Variants in CFAP92 observed in about 807,000 individuals in gnomAD.
The protein encoded by CFAP92 is cilia and flagella associated protein 92 (putative).
CFAP92 carries 86 observed loss-of-function variants against 106.3 expected under a neutral mutation model. The ratio of observed to expected loss-of-function variants is 0.81; its 90% CI spans 0.68 to 0.97. The LOEUF (loss-of-function observed/expected upper bound fraction) is 0.97, where lower values mean the gene tolerates loss of function less well. Ranked by LOEUF, CFAP92 falls within the 50% of genes least tolerant of loss-of-function variation. CFAP92 has a pLI of 0.00. For missense variants in CFAP92, 1,204 were observed against 1,283.8 expected (o/e 0.94, Z 0.95); for synonymous variants, 477 against 506.4 (o/e 0.94, Z 0.78).
intron 9 of CFAP92, among the ~76,000 whole-genome samples, chr3:128,962,767 A>G (rs1942043393): frequency 6.6e-6 from 1 of 152,192 alleles, no homozygotes; most frequent in Non-Finnish European, 1.5e-5. Context: ...TCTAAAACCT[A>G]TAAACTCTCC....
At chr3:129,017,685 C>T in the CFAP92 span, among the ~76,000 whole-genome samples, 3 of 152,258 alleles carry the variant, frequency 2.0e-5, no homozygotes, top group Non-Finnish European at 4.4e-5. Flanking sequence ...GCCTCTTCTA[C>T]ACCAGCCCAG....
At chr3:128,928,284 A>T (rs1475561673) in intron 12 of CFAP92, among the ~76,000 whole-genome samples, 1 of 152,196 alleles carries the variant, frequency 6.6e-6, no homozygotes, top group Non-Finnish European at 1.5e-5. Flanking sequence ...TCCCCATGAA[A>T]TTCCTATAGA....
At chr3:128,972,835 A>G (rs1317317444) in intron 7 of CFAP92, among the ~76,000 whole-genome samples, 2 of 151,674 alleles carry the variant, frequency 1.3e-5, no homozygotes, top group African/African-American at 2.4e-5. Context: ...AGCCTGGGCT[A>G]CAAGAGCGAA....
intron 9 of CFAP92, among the ~76,000 whole-genome samples, chr3:128,946,427 C>A (rs1458979219): frequency 6.6e-6 from 1 of 152,184 alleles, no homozygotes; most frequent in African/African-American, 2.4e-5. Context: ...TGAAAACTGA[C>A]ACTCTGGGCA....
At chr3:128,971,472 A>C in intron 7 of CFAP92, 39 bp from the exon 8 acceptor site, 1 of 1,490,388 alleles carries the variant, frequency 6.7e-7, no homozygotes, top group Non-Finnish European at 9.1e-7. Flanking sequence ...TTAAGAGGAG[A>C]CTGTATCTGA....
intron 9 of CFAP92, among the ~76,000 whole-genome samples, chr3:128,957,343 T>C (rs1046887415): frequency 3.3e-5 from 5 of 151,134 alleles, no homozygotes; most frequent in Non-Finnish European, 4.4e-5. Context: ...AGAGGAAATA[T>C]TTAGGGAAAC....
chr3:128,996,898 C>T (rs998409587), upstream of CFAP92, among the ~76,000 whole-genome samples: 2 of 152,360 alleles, frequency 1.3e-5, no homozygotes, highest in Non-Finnish European at 2.9e-5. Context: ...TGTGGTGCCT[C>T]ATCTCCTCAT....
At chr3:128,915,922 G>C (rs1005880697) in intron 13 of CFAP92, 185 bp downstream of exon 13, 31 of 440,456 alleles carry the variant, frequency 7.0e-5, no homozygotes, top group Non-Finnish European at 1.0e-4. Context: ...TTACCCTCAG[G>C]TGTGGAGGAT....
At chr3:128,972,860 A>G (rs1942901927) in intron 7 of CFAP92, among the ~76,000 whole-genome samples, 1 of 151,314 alleles carries the variant, frequency 6.6e-6, no homozygotes, top group African/African-American at 2.4e-5. Context: ...AGTCCTTGAA[A>G]AAAAAAAAAA....
At chr3:128,923,263 T>G (rs980775868) in intron 12 of CFAP92, among the ~76,000 whole-genome samples, 1 of 152,160 alleles carries the variant, frequency 6.6e-6, no homozygotes, top group East Asian at 1.9e-4. Flanking sequence ...CATGGGCCAG[T>G]TGAATCTGAA....
At chr3:129,003,564 G>A (rs1390852911), upstream of CFAP92, among the ~76,000 whole-genome samples, 1 of 151,800 alleles carries the variant, frequency 6.6e-6, no homozygotes, top group Admixed American at 6.6e-5. Flanking sequence ...AACGTTGGGG[G>A]GTGGGGGATG....
At chr3:128,984,303 G>A (rs1943714799) in intron 4 of CFAP92, among the ~76,000 whole-genome samples, 1 of 152,200 alleles carries the variant, frequency 6.6e-6, no homozygotes, top group Non-Finnish European at 1.5e-5. Context: ...TAACATTTGA[G>A]TCAGTGGACT....
chr3:128,965,715 C>A lies in CFAP92; in HGVS notation c.1169-20G>T. 1 of 398,606 alleles carries A rather than the reference C, an allele frequency of 2.5e-6. No individual in the cohort carries two copies. Among genetic ancestry groups the A allele is most frequent in the East Asian group, 3.6e-5 (1 of 28,068 alleles). The allele number at this position is 398,606 out of a possible 1,614,324, so 24.7% of individuals were successfully genotyped here. On this transcript the variant is annotated intron_variant, in intron 8 of 15. Coordinates refer to ENST00000645291, the MANE Select transcript of CFAP92 (RefSeq NM_001394090.1). ...GCCATCCTGGGGGAAATACACCCAGCATTAGACCTTTCCTCCCGACACCCC... is the reference window on the plus strand; with the variant it reads ...GCCATCCTGGGGGAAATACACCCAGAATTAGACCTTTCCTCCCGACACCCC...
chr3:128,942,847 A>G (rs769984515), intron 10 of CFAP92, among the ~76,000 whole-genome samples: 5 of 147,342 alleles, frequency 3.4e-5, no homozygotes, highest in Non-Finnish European at 5.9e-5. Flanking sequence ...ACGCCTGGCT[A>G]ATTTTTGTGT....
At chr3:128,910,359 G>C in intron 15 of CFAP92, 26 bp from the exon 16 acceptor site, 1 of 1,465,034 alleles carries the variant, frequency 6.8e-7, no homozygotes, top group Non-Finnish European at 9.0e-7. Flanking sequence ...GTGAGTGACA[G>C]GGGTTCCTGA....
chr3:128,964,825 C>T (rs1431868166), intron 9 of CFAP92, among the ~76,000 whole-genome samples: 1 of 152,164 alleles, frequency 6.6e-6, no homozygotes, highest in African/African-American at 2.4e-5. Context: ...TCCCACGCTG[C>T]CCCTAATCCC....
the CFAP92 span, among the ~76,000 whole-genome samples, chr3:129,011,116 T>G: frequency 6.6e-6 from 1 of 152,178 alleles, no homozygotes; most frequent in Non-Finnish European, 1.5e-5. Flanking sequence ...AGCAAGCCAT[T>G]CTCACCTCTG....
intron 15 of CFAP92, chr3:128,912,871 A>G (rs1936501814): frequency 3.2e-6 from 2 of 618,892 alleles, no homozygotes; most frequent in African/African-American, 1.8e-5. Context: ...ACTGGCGGGT[A>G]TTCTGGTCAT....
At chr3:128,951,566 TC>T (rs1940808281) in intron 9 of CFAP92, among the ~76,000 whole-genome samples, 2 of 152,074 alleles carry the variant, frequency 1.3e-5, no homozygotes, top group South Asian at 4.1e-4. Flanking sequence ...GAACATGGGA[TC>T]CTGGGTCTTC....
Sources: gnomAD v4.1 joint callset for allele counts (sites outside exome capture counted in the v4.1 genomes callset) on GRCh38, gnomAD v4.1.1 for gene constraint, MANE v1.5 for transcripts, NCBI Gene and HGNC (gene_info 2026-07-23, HGNC 2026-07-21) for gene names.